CASZ1: variants seen among roughly 807,000 people sequenced by gnomAD.
CASZ1 encodes zinc finger protein castor homolog 1.
Under a neutral mutation model 135.2 loss-of-function variants are expected in CASZ1, and 28 were observed. That is an observed-to-expected ratio of 0.21 (90% CI 0.15 to 0.28). The LOEUF (loss-of-function observed/expected upper bound fraction) is 0.28. CASZ1 is among the 10% of genes least tolerant of loss of function. CASZ1 has a pLI of 1.00. For missense variants in CASZ1, 2,161 were observed against 2,453.3 expected (o/e 0.88, Z 2.52); for synonymous variants, 1,068 against 1,073.4 (o/e 0.99, Z 0.10).
chr1:10,786,123 C>T (rs1370002373), intron 1 of CASZ1, among the ~76,000 whole-genome samples: 2 of 152,218 alleles, frequency 1.3e-5, no homozygotes, highest in Admixed American at 6.5e-5. Flanking sequence ...ATTCAACTCA[C>T]ACTGGCAGAG....
chr1:10,681,258 G>A (rs145575670), intron 4 of CASZ1, among the ~76,000 whole-genome samples: 1 of 150,330 alleles, frequency 6.7e-6, no homozygotes, highest in Non-Finnish European at 1.5e-5. Flanking sequence ...TCCTCACCCT[G>A]ACCTCCACGC....
In CASZ1 at chr1:10,653,387, G is replaced by T. The variant is rs1367833653; in HGVS notation, c.2670C>A (p.Thr890=). Residue 890 remains threonine (T), a synonymous_variant, in exon 11 of 21, where the codon ACC becomes ACA. Transcript: ENST00000377022. ...LAAAALKPSA[T]FDPGSGQQVT... ...ACCCAGCCTGCTCACCTGGGTCAAA[G>T]GTGGCAGAGGGCTTGAGGGCAGCTG... is the stretch of plus-strand genomic sequence containing the variant. 1.2e-6 allele frequency: 2 copies of T among 1,613,136 alleles called. No individual in the cohort carries two copies. Among genetic ancestry groups the T allele is most frequent in the Non-Finnish European group, 1.7e-6 (2 of 1,180,016 alleles).
chr1:10,783,404 AG>A (rs947905166), intron 1 of CASZ1, among the ~76,000 whole-genome samples: 24 of 149,848 alleles, frequency 1.6e-4, no homozygotes, highest in African/African-American at 5.8e-4. Flanking sequence ...TTTTGCCCAA[AG>A]AAAGGAGGGA....
intron 2 of CASZ1, among the ~76,000 whole-genome samples, chr1:10,732,153 A>C (rs1471451341): frequency 1.3e-5 from 2 of 151,608 alleles, no homozygotes; most frequent in East Asian, 3.9e-4. Context: ...AGTGAAACTC[A>C]GTCTCTACTA....
In CASZ1 at chr1:10,774,820, C is replaced by T. The variant is rs1287644240; in HGVS notation, c.-233-13963G>A. On this transcript the variant is annotated intron_variant, in intron 1 of 20. Coordinates refer to ENST00000377022, the MANE Select transcript of CASZ1 (RefSeq NM_001079843.3). The surrounding 1 kb of genome is among the most constrained non-coding windows in gnomAD (Gnocchi z 4.4). ...CTGCAACCCACAAGCACAGTCCTGACACTCAGAGCTCCCGCGGTCTTACAG... is the reference window on the plus strand; with the variant it reads ...CTGCAACCCACAAGCACAGTCCTGATACTCAGAGCTCCCGCGGTCTTACAG... Among the ~76,000 whole-genome samples, 1 of 152,190 alleles carries T rather than the reference C, an allele frequency of 6.6e-6. No individual in the cohort carries two copies. Among genetic ancestry groups the T allele is most frequent in the African/African-American group, 2.4e-5 (1 of 41,456 alleles).
chr1:10,733,410 GTA>G, intron 2 of CASZ1, among the ~76,000 whole-genome samples: 1 of 152,204 alleles, frequency 6.6e-6, no homozygotes, highest in Non-Finnish European at 1.5e-5. Context: ...GAAGCTCATG[GTA>G]CAGCACCCTA....
intron 1 of CASZ1, among the ~76,000 whole-genome samples, chr1:10,790,314 G>A (rs11121624): frequency 0.2 from 29,787 of 152,086 alleles, 3,390 homozygotes; most frequent in South Asian, 0.35. Context: ...TCGGTCTGCC[G>A]GGCTGCCCTT....
rs546651207 is a variant in CASZ1 at position 10,776,673 on chromosome 1, G to A, written c.-233-15816C>T. ...AGTCCTGGGGAAACTGGCATCTCTGGTTTGACAGGTTGTGGGAGAGGGTTG... is the reference window on the plus strand; with the variant it reads ...AGTCCTGGGGAAACTGGCATCTCTGATTTGACAGGTTGTGGGAGAGGGTTG... On this transcript the variant is annotated intron_variant, in intron 1 of 20. Coordinates refer to ENST00000377022, the MANE Select transcript of CASZ1 (RefSeq NM_001079843.3). This position sits in a 1 kb window ranked among gnomAD's most constrained non-coding sequence, Gnocchi z 4.1. 5.5e-4 allele frequency among the ~76,000 whole-genome samples: 84 copies of A among 152,310 alleles called. No individual in the cohort carries two copies. The highest frequency in any genetic ancestry group is 3.4e-3 in the Middle Eastern group (1 of 294).
Position 10,679,049 on chromosome 1 carries a change from T to C in CASZ1, c.17-13478A>G, listed in dbSNP as rs1638330405. The stretch of plus-strand genomic sequence containing the variant: ...CCGCTCTCTGGCTATCTCTGGCCTA[T>C]GCGTGTCCCCTCACTCTCCTCCATC... On this transcript the variant is annotated intron_variant, in intron 4 of 20. Coordinates refer to ENST00000377022, the MANE Select transcript of CASZ1 (RefSeq NM_001079843.3). This position sits in a 1 kb window ranked among gnomAD's most constrained non-coding sequence, Gnocchi z 4.7. Among the ~76,000 whole-genome samples, 1 of 152,122 alleles carries C rather than the reference T, an allele frequency of 6.6e-6. No homozygotes were observed. The highest frequency in any genetic ancestry group is 2.4e-5 in the African/African-American group (1 of 41,436).
At position 10,694,241 on chromosome 1, in the gene CASZ1, G is replaced by T. The variant is rs1570488130; in HGVS notation, c.-23-329C>A. 1.2e-6 allele frequency: 1 copy of T among 805,404 alleles called. No homozygotes were observed. Among genetic ancestry groups the T allele is most frequent in the Non-Finnish European group, 1.5e-6 (1 of 664,956 alleles). 49.9% of individuals were successfully genotyped at this position (805,404 alleles called of 1,614,324 possible). On this transcript the variant is annotated intron_variant, in intron 3 of 20. Transcript: ENST00000377022. The surrounding 1 kb of genome is among the most constrained non-coding windows in gnomAD (Gnocchi z 6.6). ...TCCCGCCGACCGCGCCCCGCGCCCG[G>T]GTCGCCGCCCGAGACCGCGGCCCCC...
Position 10,717,967 on chromosome 1 carries a change from G to C in CASZ1, c.-76-12423C>G, listed in dbSNP as rs1315814761. ...AGCGACCAAAGCGGGTGCAGGGACG[G>C]GCCGAGGGGGCTACGGAGGCCCATT... On this transcript the variant is annotated intron_variant, in intron 2 of 20. Coordinates refer to ENST00000377022, the MANE Select transcript of CASZ1 (RefSeq NM_001079843.3). The surrounding 1 kb of genome is among the most constrained non-coding windows in gnomAD (Gnocchi z 4.6). 2.0e-5 allele frequency among the ~76,000 whole-genome samples: 3 copies of C among 152,266 alleles called. No homozygotes were observed.
At position 10,709,343 on chromosome 1, in the gene CASZ1, GC is replaced by G. The variant is rs1387720371; in HGVS notation, c.-76-3800del. Among the ~76,000 whole-genome samples the G allele has an allele frequency of 2.0e-5, 3 of 152,190 alleles. No homozygotes were observed. Among genetic ancestry groups the G allele is most frequent in the African/African-American group, 7.2e-5 (3 of 41,460 alleles). The stretch of plus-strand genomic sequence containing the variant: ...CTCACGCACAGCCTCTCCCTGGCCA[GC>G]CCTTTCACAGGGGCTGGGGCCATGT... On this transcript the variant is annotated intron_variant, in intron 2 of 20. Transcript: ENST00000377022. The surrounding 1 kb of genome is among the most constrained non-coding windows in gnomAD (Gnocchi z 5.1).
Position 10,698,493 on chromosome 1 carries a change from T to C in CASZ1, c.-23-4581A>G, listed in dbSNP as rs574854569. Among the ~76,000 whole-genome samples, 15 of 152,188 alleles carry C rather than the reference T, an allele frequency of 9.9e-5. No individual in the cohort carries two copies. The South Asian group carries it at 3.1e-3, about 32-fold the overall frequency. Reference sequence around the variant, plus strand: ...ATCAGAGATTTTAATTACTAAATTATAAAATTCTCCAATGCTAAATTGAAA... The same window carrying C: ...ATCAGAGATTTTAATTACTAAATTACAAAATTCTCCAATGCTAAATTGAAA... On this transcript the variant is annotated intron_variant, in intron 3 of 20. Coordinates refer to ENST00000377022, the MANE Select transcript of CASZ1 (RefSeq NM_001079843.3).
chr1:10,755,790 G>A lies in CASZ1; in HGVS notation c.-77+4911C>T, dbSNP rs977946211. On this transcript the variant is annotated intron_variant, in intron 2 of 20. Coordinates refer to ENST00000377022, the MANE Select transcript of CASZ1 (RefSeq NM_001079843.3). The surrounding 1 kb of genome is among the most constrained non-coding windows in gnomAD (Gnocchi z 4.3). ...CTCTGCCCAGCCCAAGGCAACCTTG[G>A]GGTCTACCCATCCTCTGGAGCACCA... Among the ~76,000 whole-genome samples, 1 of 152,036 alleles carries A rather than the reference G, an allele frequency of 6.6e-6. No individual in the cohort carries two copies. Among genetic ancestry groups the A allele is most frequent in the Non-Finnish European group, 1.5e-5 (1 of 67,996 alleles).
intron 2 of CASZ1, among the ~76,000 whole-genome samples, chr1:10,722,069 G>C (rs1164501806): frequency 6.6e-6 from 1 of 152,320 alleles, no homozygotes; most frequent in South Asian, 2.1e-4. Flanking sequence ...CCAGGCATCC[G>C]CTGTGTCTGG....
chr1:10,671,576 G>C (rs996967898), intron 4 of CASZ1, among the ~76,000 whole-genome samples: 2 of 152,192 alleles, frequency 1.3e-5, no homozygotes, highest in African/African-American at 2.4e-5. Context: ...GAAGGGGTCT[G>C]ATTGGTCCCC....
chr1:10,646,278 G>T lies in CASZ1; in HGVS notation c.3546C>A (p.Phe1182Leu). ...ACTTGCAGTTCCCAAAGAGACAGTG[G>T]AAGTGGAACTTGTTGGCGTACTTGC... ...TDCKYANKFH[F>L]HCLFGNCKYV... The change falls in exon 17 of 21, where the codon TTC (phenylalanine) becomes TTA (leucine). Residue 1182 changes from phenylalanine to leucine, a missense_variant. Transcript: ENST00000377022. This position sits in a 1 kb window ranked among gnomAD's most constrained non-coding sequence, Gnocchi z 6.4. 6.2e-7 allele frequency: 1 copy of T among 1,614,190 alleles called. No individual in the cohort carries two copies. The highest frequency in any genetic ancestry group is 8.5e-7 in the Non-Finnish European group (1 of 1,180,034).
rs935093091 is a variant in CASZ1, at chr1:10,788,913, C to T, written c.-234+7651G>A. Among the ~76,000 whole-genome samples, 10 of 152,214 alleles carry T rather than the reference C, an allele frequency of 6.6e-5. No homozygotes were observed. Among genetic ancestry groups the T allele is most frequent in the Admixed American group, 1.3e-4 (2 of 15,290 alleles). ...CAGCCGCTGCCGCTCTGCAGAACCTCGCAGATCCTCTAAGCCACCTAGTGT... is the reference window on the plus strand; with the variant it reads ...CAGCCGCTGCCGCTCTGCAGAACCTTGCAGATCCTCTAAGCCACCTAGTGT... On this transcript the variant is annotated intron_variant, in intron 1 of 20. Coordinates refer to ENST00000377022, the MANE Select transcript of CASZ1 (RefSeq NM_001079843.3). The surrounding 1 kb of genome is among the most constrained non-coding windows in gnomAD (Gnocchi z 4.1).
intron 4 of CASZ1, among the ~76,000 whole-genome samples, chr1:10,678,048 G>A (rs1476741235): frequency 1.3e-5 from 2 of 152,226 alleles, no homozygotes; most frequent in Admixed American, 6.5e-5. Flanking sequence ...ACCTTCCAAT[G>A]TGTGTTGATG....
Sources: gnomAD v4.1 joint callset for allele counts (sites outside exome capture counted in the v4.1 genomes callset) on GRCh38, gnomAD v4.1.1 for gene constraint, Gnocchi (gnomAD v3.1) non-coding constraint, MANE v1.5 for transcripts, NCBI Gene and HGNC (gene_info 2026-07-23, HGNC 2026-07-21) for gene names.